The following CSMD1 variants were observed in gnomAD, a reference collection of about 807,000 sequenced individuals.
CSMD1 encodes CUB and Sushi multiple domains 1.
CSMD1 carries 213 observed loss-of-function variants against 417.5 expected under a neutral mutation model. The ratio of observed to expected loss-of-function variants is 0.51; its 90% CI spans 0.46 to 0.57. The LOEUF (loss-of-function observed/expected upper bound fraction) is 0.57, where lower values mean the gene tolerates loss of function less well. Among genes scored for constraint, CSMD1 ranks in the 20% least tolerant of loss-of-function variants. The pLI, the probability that CSMD1 is intolerant of heterozygous loss-of-function variation, is 0.00. For synonymous variants in CSMD1, 2,862 were observed against 1,736.8 expected (o/e 1.65, Z -16.11); for missense variants, 6,923 against 4,529.7 (o/e 1.53, Z -15.17).
intron 2 of CSMD1, among the ~76,000 whole-genome samples, chr8:4,636,611 ATTAT>A (rs1187580531): frequency 6.6e-6 from 1 of 152,222 alleles, no homozygotes; most frequent in Non-Finnish European, 1.5e-5. Context: ...ACAATGGTGT[ATTAT>A]AATTTTATTT....
chr8:4,848,844 C>T (rs960217724), intron 1 of CSMD1, among the ~76,000 whole-genome samples: 26 of 152,210 alleles, frequency 1.7e-4, no homozygotes, highest in African/African-American at 6.0e-4. Flanking sequence ...GCGCCCAACC[C>T]AGTACATAAT....
intron 10 of CSMD1, among the ~76,000 whole-genome samples, chr8:3,548,676 A>ACG (rs1218500007): frequency 1.4e-5 from 2 of 146,974 alleles, no homozygotes. Context: ...ACACACACAC[A>ACG]CACACACACA....
intron 3 of CSMD1, among the ~76,000 whole-genome samples, chr8:4,284,135 A>AG (rs1796934097): frequency 6.6e-6 from 1 of 152,194 alleles, no homozygotes; most frequent in South Asian, 2.1e-4. Context: ...TGGGAGGCCG[A>AG]GAAGGGTGGA....
chr8:3,607,275 A>G (rs1260941422), intron 8 of CSMD1, among the ~76,000 whole-genome samples: 3 of 152,194 alleles, frequency 2.0e-5, no homozygotes, highest in African/African-American at 7.2e-5. Context: ...CTTCAGGGGC[A>G]AGGACACACA....
At chr8:3,383,433 G>A (rs538209718) in intron 18 of CSMD1, among the ~76,000 whole-genome samples, 1 of 151,714 alleles carries the variant, frequency 6.6e-6, no homozygotes, top group South Asian at 2.1e-4. Flanking sequence ...CCTCATGCAT[G>A]GAGGGAAGCC....
chr8:3,227,762 A>G (rs1201014131), intron 27 of CSMD1, among the ~76,000 whole-genome samples: 1 of 151,998 alleles, frequency 6.6e-6, no homozygotes, highest in Non-Finnish European at 1.5e-5. Context: ...GTCATTTTAA[A>G]ACTTTTTTCT....
intron 7 of CSMD1, among the ~76,000 whole-genome samples, chr8:3,678,510 A>G (rs6999620): frequency 0.48 from 72,719 of 151,954 alleles, 18,027 homozygotes; most frequent in African/African-American, 0.6. Context: ...AGAAATGAAC[A>G]AAGCCTCCAA....
At chr8:3,348,477 C>A (rs907081407) in intron 21 of CSMD1, among the ~76,000 whole-genome samples, 3 of 152,142 alleles carry the variant, frequency 2.0e-5, no homozygotes, top group African/African-American at 4.8e-5. Context: ...CTGGCTGTGT[C>A]GTCAGGTTGT....
At chr8:4,120,621 G>C (rs781161778) in intron 3 of CSMD1, among the ~76,000 whole-genome samples, 8 of 152,232 alleles carry the variant, frequency 5.3e-5, no homozygotes, top group Admixed American at 3.9e-4. Context: ...TAGACAGTCT[G>C]TGTACCTGCC....
At chr8:3,377,165 C>T (rs1476540803) in intron 18 of CSMD1, among the ~76,000 whole-genome samples, 1 of 152,108 alleles carries the variant, frequency 6.6e-6, no homozygotes, top group Non-Finnish European at 1.5e-5. Flanking sequence ...CATGCCAATA[C>T]CCCCAGCTAA....
intron 3 of CSMD1, among the ~76,000 whole-genome samples, chr8:4,153,378 G>T (rs982238807): frequency 1.2e-4 from 18 of 152,238 alleles, no homozygotes; most frequent in African/African-American, 4.3e-4. Flanking sequence ...AAGCAACAGT[G>T]TAATACTCTG....
At chr8:3,342,443 T>C (rs1422004255) in intron 23 of CSMD1, among the ~76,000 whole-genome samples, 1 of 152,242 alleles carries the variant, frequency 6.6e-6, no homozygotes, top group Admixed American at 6.5e-5. Context: ...ATTTATCAGA[T>C]GAGTGAAGGA....
chr8:3,323,856 T>C (rs156071), intron 23 of CSMD1, among the ~76,000 whole-genome samples: 1 of 136,132 alleles, frequency 7.3e-6, no homozygotes, highest in Non-Finnish European at 1.6e-5. Flanking sequence ...CAGACACACA[T>C]CTAACACCCA....
In CSMD1 at chr8:4,933,385, C is replaced by T. The variant is rs117745717; in HGVS notation, c.85+60947G>A. On this transcript the variant is annotated intron_variant, in intron 1 of 69. Coordinates refer to ENST00000635120, the MANE Select transcript of CSMD1 (RefSeq NM_033225.6). ...TAAACTGTAAGTGCTGCTTCCTCCT[C>T]GCCATCTGACCTTATGGGGAAAAAA... Among the ~76,000 whole-genome samples the T allele has an allele frequency of 2.6e-5, 4 of 152,270 alleles. No individual in the cohort carries two copies. In the East Asian group the frequency reaches 5.8e-4, roughly 22 times the overall value.
chr8:3,849,520 G>A (rs916361901), intron 5 of CSMD1, among the ~76,000 whole-genome samples: 1 of 152,114 alleles, frequency 6.6e-6, no homozygotes, highest in African/African-American at 2.4e-5. Context: ...GTAGCTCGAC[G>A]GTTAGAATGA....
At position 4,071,456 on chromosome 8, in the gene CSMD1, C is replaced by T. The variant is rs371891956; in HGVS notation, c.416-39357G>A. Among the ~76,000 whole-genome samples the T allele has an allele frequency of 1.3e-4, 20 of 152,088 alleles. 1 individual carries two copies. In the East Asian group the frequency reaches 3.1e-3, roughly 24 times the overall value. ...TCATTTGATTTTCATTTTATAACGC[C>T]TATTTTTTTCCTGATATTTCTAACT... On this transcript the variant is annotated intron_variant, in intron 3 of 69. Transcript: ENST00000635120.
intron 49 of CSMD1, among the ~76,000 whole-genome samples, chr8:3,058,726 C>T (rs947644166): frequency 2.6e-5 from 4 of 151,884 alleles, no homozygotes; most frequent in Non-Finnish European, 5.9e-5. Flanking sequence ...TAACAGGCTG[C>T]GTGGTCTCGG....
chr8:3,485,949 G>C lies in CSMD1; in HGVS notation c.1448+7674C>G, dbSNP rs73660050. On this transcript the variant is annotated intron_variant, in intron 11 of 69. Coordinates refer to ENST00000635120, the MANE Select transcript of CSMD1 (RefSeq NM_033225.6). ...TGGAGATCCGGACGAAGTCTATAAAGATCCCTTCGTATTAACACCAGGGGT... is the reference window on the plus strand; with the variant it reads ...TGGAGATCCGGACGAAGTCTATAAACATCCCTTCGTATTAACACCAGGGGT... Among the ~76,000 whole-genome samples the C allele has an allele frequency of 2.6e-3, 399 of 152,170 alleles. 4 individuals carry two copies. Among genetic ancestry groups the C allele is most frequent in the African/African-American group, 9.2e-3 (382 of 41,540 alleles).
At chr8:4,085,115 A>T in intron 3 of CSMD1, among the ~76,000 whole-genome samples, 1 of 152,280 alleles carries the variant, frequency 6.6e-6, no homozygotes, top group East Asian at 1.9e-4. Context: ...AACCAGTTGG[A>T]CAACCCTGAG....
Sources: allele counts gnomAD v4.1 joint callset (sites outside exome capture counted in the v4.1 genomes callset), GRCh38; gene constraint gnomAD v4.1.1; transcripts MANE v1.5; gene names NCBI Gene and HGNC (gene_info 2026-07-23, HGNC 2026-07-21).